The following UBE3A variants were observed in gnomAD, a reference collection of about 807,000 sequenced individuals.
UBE3A encodes ubiquitin protein ligase E3A.
In UBE3A, 6 loss-of-function variants were observed where a neutral mutation model predicts 83.4. The observed-to-expected ratio is 0.07, with a 90% CI of 0.04 to 0.14. The LOEUF (loss-of-function observed/expected upper bound fraction) is 0.14. Ranked by LOEUF, UBE3A falls within the 10% of genes least tolerant of loss-of-function variation. The probability of loss-of-function intolerance (pLI) is 1.00; values close to 1 mark genes in which losing one functional copy is unlikely to be tolerated. For synonymous variants in UBE3A, 337 were observed against 355.4 expected (o/e 0.95, Z 0.58); for missense variants, 456 against 1,036.1 (o/e 0.44, Z 7.69).
intron 4 of UBE3A, among the ~76,000 whole-genome samples, chr15:25,387,454 G>A (rs925783282): frequency 2.6e-4 from 40 of 151,960 alleles, no homozygotes; most frequent in Admixed American, 1.1e-3. Flanking sequence ...CCCGGGAGGC[G>A]GAGCTTGCGG....
chr15:25,392,579 G>A (rs139658177), intron 4 of UBE3A, among the ~76,000 whole-genome samples: 220 of 152,194 alleles, frequency 1.4e-3, no homozygotes, highest in African/African-American at 4.9e-3. Flanking sequence ...AGAAAGCCAC[G>A]ATTTCAATAT....
At chr15:25,438,148 C>T (rs1284368822) in intron 1 of UBE3A, 1 of 152,296 alleles carries the variant, frequency 6.6e-6, no homozygotes, top group Non-Finnish European at 1.5e-5. Flanking sequence ...CTGCCCTTCC[C>T]TGTCTGGGGC....
intron 5 of UBE3A, among the ~76,000 whole-genome samples, chr15:25,372,282 C>T (rs921311117): frequency 1.3e-5 from 2 of 152,134 alleles, no homozygotes; most frequent in African/African-American, 4.8e-5. Context: ...TAAAAAAAGG[C>T]TCCTTCAGCA....
chr15:25,373,094 T>C (rs2080574231), intron 5 of UBE3A, among the ~76,000 whole-genome samples: 1 of 152,184 alleles, frequency 6.6e-6, no homozygotes, highest in Non-Finnish European at 1.5e-5. Flanking sequence ...TTTGTTCTAT[T>C]AAGAATATAT....
At chr15:25,378,072 A>C (rs2081517305) in intron 4 of UBE3A, among the ~76,000 whole-genome samples, 1 of 152,208 alleles carries the variant, frequency 6.6e-6, no homozygotes, top group African/African-American at 2.4e-5. Flanking sequence ...CTATAAGGGG[A>C]AAACAATAGC....
chr15:25,383,246 C>CA (rs1479188384), intron 4 of UBE3A, among the ~76,000 whole-genome samples: 2 of 152,206 alleles, frequency 1.3e-5, no homozygotes, highest in African/African-American at 2.4e-5. Context: ...GTTCAACATA[C>CA]AAAAAAATCA....
At chr15:25,423,337 T>G (rs1385663015) in intron 1 of UBE3A, among the ~76,000 whole-genome samples, 1 of 152,174 alleles carries the variant, frequency 6.6e-6, no homozygotes, top group African/African-American at 2.4e-5. Context: ...TTTTAAGGAA[T>G]GAAACTTGCT....
At chr15:25,351,814 C>G (rs1437360073) in intron 11 of UBE3A, among the ~76,000 whole-genome samples, 1 of 152,206 alleles carries the variant, frequency 6.6e-6, no homozygotes, top group Non-Finnish European at 1.5e-5. Context: ...TCCAAATGTC[C>G]TTCCTTGTCA....
At chr15:25,406,799 C>A (rs2088681524) in intron 3 of UBE3A, among the ~76,000 whole-genome samples, 1 of 145,980 alleles carries the variant, frequency 6.9e-6, no homozygotes, top group African/African-American at 2.5e-5. Context: ...CTTTATCAGA[C>A]TCTCAAAATT....
intron 5 of UBE3A, 165 bp downstream of exon 5, chr15:25,375,300 G>T: frequency 1.3e-6 from 1 of 768,134 alleles, no homozygotes; most frequent in Non-Finnish European, 2.1e-6. Context: ...GATTAGACCT[G>T]TAAAATGTAG....
intron 1 of UBE3A, among the ~76,000 whole-genome samples, chr15:25,423,180 A>G (rs991716851): frequency 6.6e-6 from 1 of 152,142 alleles, no homozygotes; most frequent in Non-Finnish European, 1.5e-5. Context: ...TAAATGATAT[A>G]TAAAGAATGC....
intron 3 of UBE3A, chr15:25,407,173 T>C (rs1341438052): frequency 7.4e-7 from 1 of 1,344,856 alleles, no homozygotes; most frequent in Admixed American, 1.9e-5. Flanking sequence ...ACCAGCTGAC[T>C]CATTTTTGAA....
intron 11 of UBE3A, among the ~76,000 whole-genome samples, chr15:25,349,685 G>T (rs2076217675): frequency 6.6e-6 from 1 of 152,120 alleles, no homozygotes; most frequent in African/African-American, 2.4e-5. Flanking sequence ...CTCAACATAT[G>T]ATTTTTAAAT....
intron 1 of UBE3A, among the ~76,000 whole-genome samples, chr15:25,413,583 TA>T (rs1035417371): frequency 2.6e-5 from 4 of 152,274 alleles, no homozygotes; most frequent in African/African-American, 7.2e-5. Context: ...AGTTAAGACT[TA>T]AAAAGTTTTA....
chr15:25,403,211 C>T lies in UBE3A; in HGVS notation c.62+2250G>A, dbSNP rs145645787. Among the ~76,000 whole-genome samples, 45 of 152,280 alleles carry T rather than the reference C, an allele frequency of 3.0e-4. 2 individuals carry two copies. In the Middle Eastern group the frequency reaches 0.024, roughly 81 times the overall value. On this transcript the variant is annotated intron_variant, in intron 4 of 12. Transcript: ENST00000648336. ...GGAATGAGATTCTCCTACTCTGATA[C>T]GGTTTCTGATTTCAGGTAGCCAGCC...
rs2152498981 is a variant in UBE3A, at chr15:25,336,666, A to T, written c.*2471T>A. 1 of 152,320 alleles carries T rather than the reference A, an allele frequency of 6.6e-6. No individual in the cohort carries two copies. Among genetic ancestry groups the T allele is most frequent in the Non-Finnish European group, 1.5e-5 (1 of 68,014 alleles). The allele number at this position is 152,320 out of a possible 1,614,324, so 9.4% of individuals were successfully genotyped here. The stretch of plus-strand genomic sequence containing the variant: ...ATTTGCTGGAGCTGCCAAGGTCCAG[A>T]AAAGTTTGGCTGCAGGCTGTTTTCA... On this transcript the variant is annotated 3_prime_UTR_variant, in exon 13 of 13. Coordinates refer to ENST00000648336, the MANE Select transcript of UBE3A (RefSeq NM_130839.5).
intron 4 of UBE3A, among the ~76,000 whole-genome samples, chr15:25,404,004 A>G (rs955318978): frequency 6.6e-6 from 1 of 152,118 alleles, no homozygotes; most frequent in African/African-American, 2.4e-5. Flanking sequence ...CAAAACAGAG[A>G]GTTCTGATCG....
At chr15:25,410,022 T>A (rs1460093413) in intron 2 of UBE3A, among the ~76,000 whole-genome samples, 2 of 152,082 alleles carry the variant, frequency 1.3e-5, no homozygotes, top group South Asian at 4.2e-4. Flanking sequence ...AGGGATAGCA[T>A]TAGGAAATAT....
At chr15:25,354,772 C>G in intron 9 of UBE3A, 89 bp from the exon 10 acceptor site, 1 of 1,246,938 alleles carries the variant, frequency 8.0e-7, no homozygotes, top group Non-Finnish European at 1.1e-6. Flanking sequence ...TTTAATTTTT[C>G]CAAGAAAAAA....
Sources: gnomAD v4.1 joint callset for allele counts (sites outside exome capture counted in the v4.1 genomes callset) on GRCh38, gnomAD v4.1.1 for gene constraint, MANE v1.5 for transcripts, NCBI Gene and HGNC (gene_info 2026-07-23, HGNC 2026-07-21) for gene names.